The following GPC6 variants were observed in gnomAD, a reference collection of about 807,000 sequenced individuals.
GPC6 encodes glypican 6, also known as glypican-6.
A neutral mutation model predicts 55.2 loss-of-function variants in GPC6; 14 were observed. That is an observed-to-expected ratio of 0.25 (90% CI 0.17 to 0.40). The LOEUF is 0.40. Ranked by LOEUF, GPC6 falls within the 10% of genes least tolerant of loss-of-function variation. The pLI is 1.00. For synonymous variants in GPC6, 278 were observed against 259.6 expected (o/e 1.07, Z -0.68); for missense variants, 641 against 708.5 (o/e 0.90, Z 1.08).
intron 1 of GPC6, among the ~76,000 whole-genome samples, chr13:93,273,654 T>C (rs140942196): frequency 0.015 from 2,214 of 152,204 alleles, 50 homozygotes; most frequent in African/African-American, 0.052. Flanking sequence ...CGAGACTCCG[T>C]CTCAAAAAAC....
intron 6 of GPC6, among the ~76,000 whole-genome samples, chr13:94,308,030 T>C (rs1876042759): frequency 6.6e-6 from 1 of 152,212 alleles, no homozygotes; most frequent in Non-Finnish European, 1.5e-5. Context: ...GTAGATGTCA[T>C]GTTAAGTATC....
intron 3 of GPC6, among the ~76,000 whole-genome samples, chr13:93,946,795 G>A (rs1401313079): frequency 1.3e-5 from 2 of 152,118 alleles, no homozygotes; most frequent in Non-Finnish European, 2.9e-5. Flanking sequence ...TTGGGTTTTG[G>A]CTCCTGTGTA....
In GPC6 at chr13:94,023,998, A is replaced by C. The variant is rs1205065216; in HGVS notation, c.712-3731A>C. On this transcript the variant is annotated intron_variant, in intron 3 of 8. Transcript: ENST00000377047. ...GACATTAGATGAGGCGAAGGTAGCA[A>C]AAGGGAGTTCTTTTATGGTGATAGA... Among the ~76,000 whole-genome samples the C allele has an allele frequency of 2.0e-5, 3 of 152,044 alleles. No homozygotes were observed. The East Asian group carries it at 5.8e-4, about 29-fold the overall frequency.
intron 3 of GPC6, among the ~76,000 whole-genome samples, chr13:93,930,684 G>A (rs1878122671): frequency 6.6e-6 from 1 of 152,122 alleles, no homozygotes; most frequent in Non-Finnish European, 1.5e-5. Context: ...TGGAAGCAGG[G>A]AAGTCACTTT....
intron 4 of GPC6, among the ~76,000 whole-genome samples, chr13:94,091,523 G>A (rs1378304348): frequency 6.6e-6 from 1 of 152,126 alleles, no homozygotes. Flanking sequence ...GGGTAACAAA[G>A]CAGGCAGATA....
chr13:93,643,619 A>G (rs1345342209), intron 2 of GPC6, among the ~76,000 whole-genome samples: 2 of 152,050 alleles, frequency 1.3e-5, no homozygotes, highest in Non-Finnish European at 2.9e-5. Context: ...TGACAAGAAC[A>G]TTTCTTCTTT....
chr13:93,305,197 C>T (rs1472554709), intron 1 of GPC6, among the ~76,000 whole-genome samples: 3 of 152,144 alleles, frequency 2.0e-5, no homozygotes, highest in Non-Finnish European at 4.4e-5. Context: ...TCTGGCCTCA[C>T]CTCAGGTCAA....
intron 4 of GPC6, among the ~76,000 whole-genome samples, chr13:94,133,508 T>C (rs1006252351): frequency 2.6e-5 from 4 of 152,132 alleles, no homozygotes; most frequent in African/African-American, 9.7e-5. Flanking sequence ...ACTTAATAAC[T>C]GAAGACCTCT....
At chr13:94,109,642 G>A (rs1325353723) in intron 4 of GPC6, among the ~76,000 whole-genome samples, 1 of 152,074 alleles carries the variant, frequency 6.6e-6, no homozygotes, top group African/African-American at 2.4e-5. Context: ...AGTTACAGGA[G>A]TCTTTTCGAA....
chr13:94,304,342 A>C (rs1875827484), intron 5 of GPC6, among the ~76,000 whole-genome samples: 1 of 152,224 alleles, frequency 6.6e-6, no homozygotes, highest in South Asian at 2.1e-4. Context: ...TTGTGTCTCA[A>C]GACGGAATTT....
intron 1 of GPC6, among the ~76,000 whole-genome samples, chr13:93,440,417 T>C (rs1877743492): frequency 6.6e-6 from 1 of 152,206 alleles, no homozygotes; most frequent in African/African-American, 2.4e-5. Flanking sequence ...TTTATTGTTA[T>C]GGCTAATCAA....
intron 1 of GPC6, among the ~76,000 whole-genome samples, chr13:93,393,542 T>C (rs1366535771): frequency 6.6e-6 from 1 of 152,134 alleles, no homozygotes; most frequent in African/African-American, 2.4e-5. Flanking sequence ...TCTTTTAAAA[T>C]GCTAGTTTGC....
intron 6 of GPC6, among the ~76,000 whole-genome samples, chr13:94,358,649 A>C (rs531727565): frequency 6.6e-6 from 1 of 152,318 alleles, no homozygotes; most frequent in South Asian, 2.1e-4. Context: ...TAAGAGTGCG[A>C]ATCTCCAGAC....
intron 4 of GPC6, among the ~76,000 whole-genome samples, chr13:94,282,198 G>T (rs1892403987): frequency 6.6e-6 from 1 of 152,040 alleles, no homozygotes; most frequent in African/African-American, 2.4e-5. Context: ...CTTGAGACTG[G>T]GTAATTTATA....
intron 1 of GPC6, among the ~76,000 whole-genome samples, chr13:93,267,782 T>TA (rs1205063143): frequency 1.3e-5 from 2 of 152,296 alleles, no homozygotes; most frequent in African/African-American, 4.8e-5. Context: ...AACAGGCTAT[T>TA]AGATCATATA....
At chr13:94,383,913 G>A (rs778924627) in intron 7 of GPC6, among the ~76,000 whole-genome samples, 1 of 152,160 alleles carries the variant, frequency 6.6e-6, no homozygotes, top group Non-Finnish European at 1.5e-5. Flanking sequence ...AGTAAAGGGG[G>A]AAGAGGCCCT....
At chr13:94,298,852 A>G (rs1483653037) in intron 5 of GPC6, among the ~76,000 whole-genome samples, 3 of 152,220 alleles carry the variant, frequency 2.0e-5, no homozygotes, top group Non-Finnish European at 4.4e-5. Flanking sequence ...GAGATAATTG[A>G]TCATTTGAGA....
chr13:93,530,598 T>C (rs1184347518), intron 1 of GPC6, among the ~76,000 whole-genome samples: 2 of 152,164 alleles, frequency 1.3e-5, no homozygotes, highest in Admixed American at 1.3e-4. Context: ...AACCGGCGCA[T>C]ATTGGTTTGT....
intron 4 of GPC6, among the ~76,000 whole-genome samples, chr13:94,121,960 A>G (rs1244138423): frequency 6.6e-6 from 1 of 152,066 alleles, no homozygotes; most frequent in Non-Finnish European, 1.5e-5. Context: ...ATCTACTAGG[A>G]TTCAGCATAA....
Sources: allele counts gnomAD v4.1 joint callset (sites outside exome capture counted in the v4.1 genomes callset), GRCh38; gene constraint gnomAD v4.1.1; transcripts MANE v1.5; gene names NCBI Gene and HGNC (gene_info 2026-07-23, HGNC 2026-07-21).